SEMA3C: variants seen among roughly 807,000 people sequenced by gnomAD.
SEMA3C encodes semaphorin 3C, also known as semaphorin-3C.
In SEMA3C, 47 loss-of-function variants were observed where a neutral mutation model predicts 89.4. The observed-to-expected ratio is 0.53, with a 90% CI of 0.42 to 0.67. The LOEUF (loss-of-function observed/expected upper bound fraction) is 0.67, where lower values mean the gene tolerates loss of function less well. Ranked by LOEUF, SEMA3C falls within the 30% of genes least tolerant of loss-of-function variation. The pLI, the probability that SEMA3C is intolerant of heterozygous loss-of-function variation, is 0.00. For synonymous variants in SEMA3C, 310 were observed against 320.2 expected (o/e 0.97, Z 0.34); for missense variants, 839 against 929.1 (o/e 0.90, Z 1.26).
At chr7:80,842,059 T>C (rs1314158042) in intron 2 of SEMA3C, among the ~76,000 whole-genome samples, 1 of 152,122 alleles carries the variant, frequency 6.6e-6, no homozygotes, top group East Asian at 1.9e-4. Flanking sequence ...CTGTCTAAAA[T>C]ACAAGGTCAG....
At chr7:80,747,325 A>T (rs1248086599) in intron 17 of SEMA3C, among the ~76,000 whole-genome samples, 1 of 152,158 alleles carries the variant, frequency 6.6e-6, no homozygotes, top group Non-Finnish European at 1.5e-5. Context: ...ATTAATTTAT[A>T]TGGCAGATAT....
chr7:80,890,721 T>C (rs1230238064), intron 2 of SEMA3C, among the ~76,000 whole-genome samples: 1 of 152,252 alleles, frequency 6.6e-6, no homozygotes, highest in East Asian at 1.9e-4. Flanking sequence ...ACAAAGGAAG[T>C]TTAGATTCTG....
intron 11 of SEMA3C, among the ~76,000 whole-genome samples, chr7:80,797,795 C>T (rs754035468): frequency 5.3e-5 from 8 of 152,188 alleles, no homozygotes; most frequent in South Asian, 2.1e-4. Context: ...GTCAGGAGTT[C>T]GAGACCAGCC....
chr7:80,911,627 T>G (rs1466625989), intron 2 of SEMA3C, among the ~76,000 whole-genome samples: 1 of 151,822 alleles, frequency 6.6e-6, no homozygotes, highest in African/African-American at 2.4e-5. Context: ...TTTTTTTTTT[T>G]TTTTGAAAGA....
At chr7:80,827,064 G>A (rs1789888056) in intron 4 of SEMA3C, among the ~76,000 whole-genome samples, 2 of 152,124 alleles carry the variant, frequency 1.3e-5, no homozygotes, top group African/African-American at 2.4e-5. Flanking sequence ...GTTTGGAAAA[G>A]CCCACAGGGT....
chr7:80,846,014 A>G (rs1790380752), intron 2 of SEMA3C, among the ~76,000 whole-genome samples: 1 of 152,188 alleles, frequency 6.6e-6, no homozygotes, highest in Admixed American at 6.5e-5. Flanking sequence ...TTTCTCAAAA[A>G]TTTCATATAG....
At chr7:80,780,234 C>T (rs1468420147) in intron 12 of SEMA3C, among the ~76,000 whole-genome samples, 1 of 152,202 alleles carries the variant, frequency 6.6e-6, no homozygotes, top group Non-Finnish European at 1.5e-5. Flanking sequence ...ATTAAATTGT[C>T]TCCTCCATTG....
chr7:80,881,462 C>T (rs1011046078), intron 2 of SEMA3C, among the ~76,000 whole-genome samples: 3 of 152,128 alleles, frequency 2.0e-5, no homozygotes, highest in Non-Finnish European at 4.4e-5. Flanking sequence ...GATACTTCCT[C>T]TGAGTGCACT....
intron 2 of SEMA3C, among the ~76,000 whole-genome samples, chr7:80,831,464 T>C (rs1232264991): frequency 6.6e-6 from 1 of 152,180 alleles, no homozygotes; most frequent in Non-Finnish European, 1.5e-5. Context: ...ACATCAATCT[T>C]CAGCAAGCAA....
chr7:80,762,764 G>C lies in SEMA3C; in HGVS notation c.1444-1107C>G, dbSNP rs186969743. On this transcript the variant is annotated intron_variant, in intron 13 of 17. Transcript: ENST00000265361. ...GGAGGCAGAGGTTGCAGTGAGCCAA[G>C]ACTGTGCCACGGCACTCCAGCCTGG... Among the ~76,000 whole-genome samples the C allele has an allele frequency of 1.2e-4, 19 of 152,280 alleles. No homozygotes were observed. The East Asian group carries it at 3.7e-3, about 29-fold the overall frequency.
chr7:80,904,911 C>T (rs1355069385), intron 2 of SEMA3C, among the ~76,000 whole-genome samples: 1 of 151,952 alleles, frequency 6.6e-6, no homozygotes, highest in Non-Finnish European at 1.5e-5. Flanking sequence ...TTAACCTTAC[C>T]AGTCATTCCA....
At chr7:80,796,719 A>T in intron 11 of SEMA3C, 1 of 152,352 alleles carries the variant, frequency 6.6e-6, no homozygotes, top group East Asian at 1.9e-4. Context: ...CTAAAAATTT[A>T]ATCTTTTTAT....
At chr7:80,828,798 T>C (rs568715273) in intron 2 of SEMA3C, 53 bp from the exon 3 acceptor site, 2 of 1,310,032 alleles carry the variant, frequency 1.5e-6, no homozygotes, top group South Asian at 1.7e-5. Context: ...TCTATAATTC[T>C]ATTATTTTAA....
At chr7:80,835,269 G>A (rs1158606188) in intron 2 of SEMA3C, among the ~76,000 whole-genome samples, 1 of 152,092 alleles carries the variant, frequency 6.6e-6, no homozygotes, top group Non-Finnish European at 1.5e-5. Context: ...TGAAATAAGA[G>A]GATAGAAATA....
At chr7:80,881,198 C>T (rs1163644162) in intron 2 of SEMA3C, among the ~76,000 whole-genome samples, 2 of 151,442 alleles carry the variant, frequency 1.3e-5, no homozygotes, top group South Asian at 2.1e-4. Flanking sequence ...CACACACACA[C>T]ACACACACAC....
intron 2 of SEMA3C, among the ~76,000 whole-genome samples, chr7:80,905,556 G>A (rs1002410401): frequency 9.9e-5 from 15 of 152,012 alleles, no homozygotes; most frequent in African/African-American, 2.2e-4. Context: ...CCCAGAGGCC[G>A]GGAGACTCCT....
intron 12 of SEMA3C, among the ~76,000 whole-genome samples, chr7:80,771,342 A>C (rs1788427573): frequency 6.6e-6 from 1 of 152,232 alleles, no homozygotes; most frequent in South Asian, 2.1e-4. Context: ...CAAATCTGCA[A>C]AGTCATTTGC....
At chr7:80,829,459 TC>T (rs1285302720) in intron 2 of SEMA3C, among the ~76,000 whole-genome samples, 1 of 152,208 alleles carries the variant, frequency 6.6e-6, no homozygotes, top group Non-Finnish European at 1.5e-5. Flanking sequence ...TATTTATTCA[TC>T]ATTTTAGGAT....
chr7:80,917,397 A>G (rs977179425), intron 1 of SEMA3C, among the ~76,000 whole-genome samples: 2 of 152,230 alleles, frequency 1.3e-5, no homozygotes, highest in Non-Finnish European at 2.9e-5. Flanking sequence ...TATCCAGATG[A>G]CCAACAGGCA....
Sources: gnomAD v4.1 joint callset for allele counts (sites outside exome capture counted in the v4.1 genomes callset) on GRCh38, gnomAD v4.1.1 for gene constraint, MANE v1.5 for transcripts, NCBI Gene and HGNC (gene_info 2026-07-23, HGNC 2026-07-21) for gene names.